Variants in ANKRD30BL observed in about 807,000 individuals in gnomAD.
ANKRD30BL encodes ankyrin repeat domain 30B like.
In ANKRD30BL, 20 loss-of-function variants were observed where a neutral mutation model predicts 18.4. The observed-to-expected ratio is 1.09, with a 90% CI of 0.77 to 1.58. The LOEUF is 1.58. ANKRD30BL is among the 40% of genes most tolerant of loss of function. The pLI is 0.00. For synonymous variants in ANKRD30BL, 72 were observed against 100.9 expected (o/e 0.71, Z 1.72); for missense variants, 224 against 268.6 (o/e 0.83, Z 1.16).
chr2:132,228,874 C>T (rs1241390996), intron 1 of ANKRD30BL, among the ~76,000 whole-genome samples: 1 of 151,600 alleles, frequency 6.6e-6, no homozygotes, highest in Non-Finnish European at 1.5e-5. Context: ...TGGAAACTCT[C>T]TTTTTGTAGA....
chr2:132,233,241 G>A (rs1225788560), intron 1 of ANKRD30BL, among the ~76,000 whole-genome samples: 1 of 151,974 alleles, frequency 6.6e-6, no homozygotes, highest in Non-Finnish European at 1.5e-5. Context: ...ATGCCAAAAT[G>A]TAAAGACCAT....
At chr2:132,151,007 C>T (rs1687741338) in intron 4 of ANKRD30BL, 31 bp from the exon 5 acceptor site, 2 of 566,756 alleles carry the variant, frequency 3.5e-6, no homozygotes, top group East Asian at 6.5e-5. Flanking sequence ...AATAAAATCA[C>T]TATTTTAACA....
intron 1 of ANKRD30BL, among the ~76,000 whole-genome samples, chr2:132,250,068 C>T (rs1417431632): frequency 1.3e-5 from 2 of 151,980 alleles, no homozygotes; most frequent in African/African-American, 4.8e-5. Context: ...CCAAGCTTTT[C>T]AATCAAAAGA....
At chr2:132,202,798 C>T (rs1244659569) in intron 1 of ANKRD30BL, among the ~76,000 whole-genome samples, 1 of 152,142 alleles carries the variant, frequency 6.6e-6, no homozygotes, top group Non-Finnish European at 1.5e-5. Flanking sequence ...TCTACTACAA[C>T]ATTTGAAGGC....
intron 1 of ANKRD30BL, among the ~76,000 whole-genome samples, chr2:132,175,730 T>C (rs1019769754): frequency 1.4e-4 from 21 of 152,258 alleles, no homozygotes; most frequent in South Asian, 6.2e-4. Context: ...CCGCAGTGCA[T>C]TGTGCCCCTG....
chr2:132,239,823 T>C (rs1034179103), intron 1 of ANKRD30BL, among the ~76,000 whole-genome samples: 8 of 149,428 alleles, frequency 5.4e-5, no homozygotes, highest in Non-Finnish European at 9.0e-5. Flanking sequence ...ACATAAAAAC[T>C]ATACAGAAGC....
intron 1 of ANKRD30BL, among the ~76,000 whole-genome samples, chr2:132,223,201 A>C (rs536104007): frequency 6.6e-6 from 1 of 152,274 alleles, no homozygotes; most frequent in East Asian, 1.9e-4. Context: ...TTGATAGAGC[A>C]GTTTTGAAAC....
At chr2:132,209,141 T>G (rs62164414) in intron 1 of ANKRD30BL, among the ~76,000 whole-genome samples, 4 of 143,522 alleles carry the variant, frequency 2.8e-5, no homozygotes, top group African/African-American at 7.7e-5. Context: ...GTGGATATTT[T>G]GAGTGCTTTG....
At chr2:132,257,718 C>A (rs1422195149) in exon 1 of ANKRD30BL, 1 of 153,930 alleles carries the variant, frequency 6.5e-6, no homozygotes, top group Non-Finnish European at 1.4e-5. Context: ...TCGTCGGGCC[C>A]GCAGAGGCGC....
intron 1 of ANKRD30BL, among the ~76,000 whole-genome samples, chr2:132,224,688 G>T (rs201432049): frequency 6.6e-6 from 1 of 150,908 alleles, no homozygotes; most frequent in Non-Finnish European, 1.5e-5. Context: ...CTTCTTTTTG[G>T]TATTTGCATT....
intron 1 of ANKRD30BL, among the ~76,000 whole-genome samples, chr2:132,199,540 T>C (rs1311880787): frequency 1.3e-5 from 2 of 151,984 alleles, no homozygotes; most frequent in East Asian, 1.9e-4. Flanking sequence ...ACAGTCTCGC[T>C]CTGTGGTCCA....
At position 132,219,859 on chromosome 2, in the gene ANKRD30BL, A is replaced by C. The variant is rs1679620648; in HGVS notation, n.441+37670T>G. On this transcript the variant is annotated intron_variant and non_coding_transcript_variant, in intron 1 of 4. Coordinates refer to the ANKRD30BL transcript ENST00000470729. ...AACACTAGACAGAATTATTCTCAGA[A>C]ACTTCTTTGTGATGTGTGCATTCAA... Among the ~76,000 whole-genome samples, 5 of 152,100 alleles carry C rather than the reference A, an allele frequency of 3.3e-5. No homozygotes were observed. In the South Asian group the frequency reaches 8.3e-4, roughly 25 times the overall value.
chr2:132,229,775 G>A (rs1273007091), intron 1 of ANKRD30BL, among the ~76,000 whole-genome samples: 1 of 151,772 alleles, frequency 6.6e-6, no homozygotes, highest in African/African-American at 2.4e-5. Context: ...GAGGACTATG[G>A]TGGGAAAGGA....
chr2:132,221,808 G>C (rs1418496942), intron 1 of ANKRD30BL, among the ~76,000 whole-genome samples: 2 of 117,588 alleles, frequency 1.7e-5, no homozygotes, highest in African/African-American at 4.2e-5. Context: ...CGCCCCGTCC[G>C]GGAGGGAGGT....
intron 1 of ANKRD30BL, among the ~76,000 whole-genome samples, chr2:132,191,529 C>G (rs1558925936): frequency 6.6e-6 from 1 of 152,082 alleles, no homozygotes; most frequent in Non-Finnish European, 1.5e-5. Context: ...TGTATGTCCT[C>G]TCAAACATTC....
At chr2:132,218,406 T>A (rs1308665133) in intron 1 of ANKRD30BL, among the ~76,000 whole-genome samples, 1 of 152,096 alleles carries the variant, frequency 6.6e-6, no homozygotes, top group Non-Finnish European at 1.5e-5. Flanking sequence ...TTTTGTAGAA[T>A]CTGAGAGCAG....
At chr2:132,202,670 C>T (rs1384056037) in intron 1 of ANKRD30BL, among the ~76,000 whole-genome samples, 1 of 151,984 alleles carries the variant, frequency 6.6e-6, no homozygotes, top group Admixed American at 6.6e-5. Flanking sequence ...ACTTGTATTA[C>T]CTCCATATGT....
intron 1 of ANKRD30BL, among the ~76,000 whole-genome samples, chr2:132,185,266 T>A (rs992194544): frequency 2.8e-4 from 42 of 152,188 alleles, no homozygotes; most frequent in Admixed American, 2.0e-3. Context: ...TCCGGCTCAA[T>A]CGGCTCCACT....
chr2:132,236,899 G>A (rs2104789354), intron 1 of ANKRD30BL, among the ~76,000 whole-genome samples: 1 of 151,782 alleles, frequency 6.6e-6, no homozygotes, highest in East Asian at 1.9e-4. Context: ...TGATAGACTG[G>A]ATTAAGAAAA....
Sources: gnomAD v4.1 joint callset for allele counts (sites outside exome capture counted in the v4.1 genomes callset) on GRCh38, gnomAD v4.1.1 for gene constraint, MANE v1.5 for transcripts, NCBI Gene and HGNC (gene_info 2026-07-23, HGNC 2026-07-21) for gene names.